CLIC4: variants seen among roughly 807,000 people sequenced by gnomAD.
The protein encoded by CLIC4 is CLIC family member 4.
CLIC4 carries 13 observed loss-of-function variants against 24.6 expected under a neutral mutation model. The observed-to-expected ratio is 0.53, with a 90% CI of 0.34 to 0.84. The LOEUF (loss-of-function observed/expected upper bound fraction) is 0.84, where lower values mean the gene tolerates loss of function less well. Among genes scored for constraint, CLIC4 ranks in the 40% least tolerant of loss-of-function variants. The pLI is 0.01. For missense variants in CLIC4, 227 were observed against 301.7 expected, an observed-to-expected ratio of 0.75 and a Z score of 1.83; for synonymous variants, 104 against 111.3, an observed-to-expected ratio of 0.93 and a Z score of 0.41.
chr1:24,806,570 A>G (rs1295196134), intron 2 of CLIC4, among the ~76,000 whole-genome samples: 3 of 152,214 alleles, frequency 2.0e-5, no homozygotes, highest in African/African-American at 7.2e-5. Flanking sequence ...CTAATCACAA[A>G]TATTAATGGA....
chr1:24,798,744 G>C (rs371981866), intron 2 of CLIC4, among the ~76,000 whole-genome samples: 1 of 150,232 alleles, frequency 6.7e-6, no homozygotes, highest in East Asian at 2.0e-4. Flanking sequence ...TCGGCTCACT[G>C]CAACCTCCCT....
chr1:24,756,837 C>T (rs1310848958), intron 1 of CLIC4, among the ~76,000 whole-genome samples: 1 of 151,954 alleles, frequency 6.6e-6, no homozygotes, highest in African/African-American at 2.4e-5. Context: ...TCTTCTGCCT[C>T]AGCCTCCTGA....
intron 3 of CLIC4, among the ~76,000 whole-genome samples, chr1:24,822,341 C>CT (rs71032865): frequency 0.31 from 23,608 of 75,204 alleles, 3,527 homozygotes; most frequent in South Asian, 0.46. Flanking sequence ...TCAGTGAATT[C>CT]TTTTTTTTTT....
chr1:24,756,232 C>T (rs11803185), intron 1 of CLIC4, among the ~76,000 whole-genome samples: 2 of 152,108 alleles, frequency 1.3e-5, no homozygotes, highest in Non-Finnish European at 2.9e-5. Context: ...ATCTCCTGAC[C>T]TCGTGATCCG....
At chr1:24,792,811 A>G (rs1012289477) in intron 1 of CLIC4, among the ~76,000 whole-genome samples, 1 of 152,182 alleles carries the variant, frequency 6.6e-6, no homozygotes, top group Non-Finnish European at 1.5e-5. Context: ...GGAGGCAGTC[A>G]CCTGTGAAAG....
At chr1:24,761,118 G>A (rs1638921941) in intron 1 of CLIC4, among the ~76,000 whole-genome samples, 1 of 152,124 alleles carries the variant, frequency 6.6e-6, no homozygotes, top group African/African-American at 2.4e-5. Flanking sequence ...TGAGATTTTT[G>A]TTCTGAACAG....
chr1:24,751,756 C>T (rs1336184178), intron 1 of CLIC4, among the ~76,000 whole-genome samples: 3 of 152,140 alleles, frequency 2.0e-5, no homozygotes, highest in South Asian at 2.1e-4. Context: ...CCCGGCTACT[C>T]GGGAGTCTGA....
intron 2 of CLIC4, among the ~76,000 whole-genome samples, chr1:24,801,348 A>T (rs187631709): frequency 2.0e-5 from 3 of 152,282 alleles, no homozygotes; most frequent in Admixed American, 6.5e-5. Flanking sequence ...GGAAGCAGAC[A>T]TGTCTTTCAT....
chr1:24,762,789 G>C (rs1405414907), intron 1 of CLIC4, among the ~76,000 whole-genome samples: 2 of 152,166 alleles, frequency 1.3e-5, no homozygotes, highest in Non-Finnish European at 2.9e-5. Flanking sequence ...TAAGAGACTG[G>C]AGTCAGTGTG....
chr1:24,773,286 G>A (rs1233189008), intron 1 of CLIC4, among the ~76,000 whole-genome samples: 1 of 152,130 alleles, frequency 6.6e-6, no homozygotes, highest in African/African-American at 2.4e-5. Flanking sequence ...CTGAGAACTT[G>A]ATGAACAGAA....
At chr1:24,785,771 G>A (rs1344820770) in intron 1 of CLIC4, among the ~76,000 whole-genome samples, 1 of 138,582 alleles carries the variant, frequency 7.2e-6, no homozygotes, top group Non-Finnish European at 1.5e-5. Context: ...AGAATTGCTT[G>A]AACCCAGGAG....
At chr1:24,794,234 G>T (rs1639371428) in intron 1 of CLIC4, among the ~76,000 whole-genome samples, 1 of 152,106 alleles carries the variant, frequency 6.6e-6, no homozygotes, top group Non-Finnish European at 1.5e-5. Flanking sequence ...TCGAATGGTA[G>T]TTCTGTTTTT....
At chr1:24,785,504 C>T (rs1639255985) in intron 1 of CLIC4, among the ~76,000 whole-genome samples, 1 of 152,148 alleles carries the variant, frequency 6.6e-6, no homozygotes, top group South Asian at 2.1e-4. Context: ...TGTAGAAGAA[C>T]AGCTTATAAA....
chr1:24,840,702 A>G (rs1438721995), intron 5 of CLIC4, 71 bp from the exon 6 acceptor site: 5 of 1,297,270 alleles, frequency 3.9e-6, no homozygotes. Flanking sequence ...ATTTGCTCCA[A>G]AATCAGAGAT....
In CLIC4 at chr1:24,775,360, C is replaced by T. The variant is rs551170666; in HGVS notation, c.73-22382C>T. Among the ~76,000 whole-genome samples, 59 of 150,502 alleles carry T rather than the reference C, an allele frequency of 3.9e-4. No homozygotes were observed. In the South Asian group the frequency reaches 5.8e-3, roughly 15 times the overall value. On this transcript the variant is annotated intron_variant, in intron 1 of 5. Transcript: ENST00000374379. ...TGTCTTTTTTTGGGAAAATTTTGGC[C>T]GTTATTTCTTGAAATATTTTTTTCC...
chr1:24,779,401 T>C (rs1308483360), intron 1 of CLIC4, among the ~76,000 whole-genome samples: 1 of 151,840 alleles, frequency 6.6e-6, no homozygotes, highest in Non-Finnish European at 1.5e-5. Flanking sequence ...ACCCAGGAGG[T>C]CAAGGCTGCA....
chr1:24,770,093 TC>T (rs1639052793), intron 1 of CLIC4, among the ~76,000 whole-genome samples: 1 of 152,122 alleles, frequency 6.6e-6, no homozygotes, highest in South Asian at 2.1e-4. Context: ...ACTCCTGGAC[TC>T]AAGTTATCCT....
At chr1:24,823,701 A>G (rs1639757977) in intron 3 of CLIC4, among the ~76,000 whole-genome samples, 1 of 147,224 alleles carries the variant, frequency 6.8e-6, no homozygotes. Context: ...TTGAAACCGG[A>G]AGGCGGAGGT....
intron 1 of CLIC4, among the ~76,000 whole-genome samples, chr1:24,747,708 C>T (rs931005030): frequency 6.6e-6 from 1 of 151,982 alleles, no homozygotes; most frequent in African/African-American, 2.4e-5. Context: ...AAACATGATA[C>T]TTAACGGTGA....
Sources: gnomAD v4.1 joint callset for allele counts (sites outside exome capture counted in the v4.1 genomes callset) on GRCh38, gnomAD v4.1.1 for gene constraint, MANE v1.5 for transcripts, NCBI Gene and HGNC (gene_info 2026-07-23, HGNC 2026-07-21) for gene names.